The following KCNH7 variants were observed in gnomAD, a reference collection of about 807,000 sequenced individuals.
The protein encoded by KCNH7 is potassium voltage-gated channel subfamily H member 7, also known as voltage-gated inwardly rectifying potassium channel KCNH7.
KCNH7 carries 49 observed loss-of-function variants against 120.8 expected under a neutral mutation model. The observed-to-expected ratio is 0.41, with a 90% CI of 0.32 to 0.51. The LOEUF (loss-of-function observed/expected upper bound fraction) is 0.51, where lower values mean the gene tolerates loss of function less well. KCNH7 is among the 20% of genes least tolerant of loss of function. The pLI is 0.38. For synonymous variants in KCNH7, 547 were observed against 516.1 expected (o/e 1.06, Z -0.81); for missense variants, 1,097 against 1,446.6 (o/e 0.76, Z 3.92).
At chr2:162,379,537 G>T (rs1000218128) in intron 14 of KCNH7, among the ~76,000 whole-genome samples, 21 of 152,156 alleles carry the variant, frequency 1.4e-4, no homozygotes, top group Non-Finnish European at 2.5e-4. Context: ...AAGAGGAAGG[G>T]TGTCAGTTAA....
chr2:162,792,462 T>G lies in KCNH7; in HGVS notation c.307+44075A>C, dbSNP rs138376961. Among the ~76,000 whole-genome samples, 1,381 of 152,140 alleles carry G rather than the reference T, an allele frequency of 9.1e-3. 6 individuals carry two copies. Among genetic ancestry groups the G allele is most frequent in the Middle Eastern group, 0.054 (16 of 294 alleles). ...TTTAATACTGACTCAATTTCAGAGCTTATTATTGGTCTGTTCAGGGATTCG... is the reference window on the plus strand; with the variant it reads ...TTTAATACTGACTCAATTTCAGAGCGTATTATTGGTCTGTTCAGGGATTCG... On this transcript the variant is annotated intron_variant, in intron 2 of 15. Transcript: ENST00000332142.
intron 6 of KCNH7, among the ~76,000 whole-genome samples, chr2:162,458,921 G>T (rs1483113882): frequency 6.6e-6 from 1 of 151,612 alleles, no homozygotes; most frequent in African/African-American, 2.4e-5. Flanking sequence ...TGGGAGGATT[G>T]CTTGAGCCCA....
rs780795086 is a variant in KCNH7 at position 162,518,028 on chromosome 2, C to T, written c.594G>A (p.Lys198=). ...SKHSDDSVAM[K]HFKSPTKESC... is the part of the protein sequence containing the mutation. ...TTTCTTTTGTAGGAGACTTAAAATG[C>T]TTCATGGCTACTGAATCATCACTGT... The change falls in exon 4 of 16, where the codon AAG becomes AAA. Residue 198 remains lysine, a synonymous_variant. Transcript: ENST00000332142. 5.0e-6 allele frequency: 8 copies of T among 1,612,362 alleles called. No individual in the cohort carries two copies. Among genetic ancestry groups the T allele is most frequent in the Middle Eastern group, 1.6e-4 (1 of 6,074 alleles).
At chr2:162,479,095 T>C (rs1478869558) in intron 6 of KCNH7, among the ~76,000 whole-genome samples, 4 of 151,232 alleles carry the variant, frequency 2.6e-5, no homozygotes, top group Non-Finnish European at 5.9e-5. Flanking sequence ...AATGACTCAA[T>C]TATTGAAAAA....
chr2:162,391,790 T>C (rs773606331), intron 12 of KCNH7, among the ~76,000 whole-genome samples: 4 of 152,072 alleles, frequency 2.6e-5, no homozygotes, highest in Non-Finnish European at 5.9e-5. Context: ...GACATTATTA[T>C]ATTGACAACA....
At chr2:162,420,309 GAGGTTGCAGTGAGCCT>G (rs1399601581) in intron 9 of KCNH7, among the ~76,000 whole-genome samples, 8 of 152,178 alleles carry the variant, frequency 5.3e-5, no homozygotes, top group Non-Finnish European at 1.0e-4. Flanking sequence ...CCAGGAGGTG[GAGGTTGCAGTGAGCCT>G]AGATGGCACT....
chr2:162,582,678 T>C (rs1364597764), intron 2 of KCNH7, among the ~76,000 whole-genome samples: 1 of 151,930 alleles, frequency 6.6e-6, no homozygotes, highest in African/African-American at 2.4e-5. Flanking sequence ...GCAGATAAGG[T>C]CACATTATCT....
intron 2 of KCNH7, among the ~76,000 whole-genome samples, chr2:162,756,444 C>T (rs1361037196): frequency 6.6e-6 from 1 of 152,008 alleles, no homozygotes; most frequent in Non-Finnish European, 1.5e-5. Flanking sequence ...AAAATTTCAA[C>T]TCTTTTGCTT....
intron 2 of KCNH7, among the ~76,000 whole-genome samples, chr2:162,659,531 G>A (rs1051399779): frequency 2.6e-5 from 4 of 151,836 alleles, no homozygotes; most frequent in Admixed American, 1.3e-4. Context: ...TAGTAGAGAC[G>A]AGGTTTCACT....
rs746845545 is a variant in KCNH7 at position 162,567,714 on chromosome 2, T to C, written c.308-30634A>G. ...TGGCACACAGTAAGTGCTCAATAAATAATTTTCAAATAACAAGAATAATTT... is the reference window on the plus strand; with the variant it reads ...TGGCACACAGTAAGTGCTCAATAAACAATTTTCAAATAACAAGAATAATTT... On this transcript the variant is annotated intron_variant, in intron 2 of 15. Coordinates refer to ENST00000332142, the MANE Select transcript of KCNH7 (RefSeq NM_033272.4). Among the ~76,000 whole-genome samples the C allele has an allele frequency of 7.2e-4, 110 of 152,166 alleles. 1 individual carries two copies. Among genetic ancestry groups the C allele is most frequent in the Admixed American group, 3.5e-3 (53 of 15,246 alleles).
chr2:162,585,403 A>G (rs1198635685), intron 2 of KCNH7, among the ~76,000 whole-genome samples: 1 of 152,086 alleles, frequency 6.6e-6, no homozygotes, highest in Non-Finnish European at 1.5e-5. Context: ...AGAAAGCAAC[A>G]GTTGAATACT....
chr2:162,426,900 G>A (rs959799074), intron 8 of KCNH7, among the ~76,000 whole-genome samples: 3 of 151,676 alleles, frequency 2.0e-5, no homozygotes, highest in African/African-American at 4.8e-5. Flanking sequence ...GACAACCACC[G>A]AGCTCCTTTA....
intron 2 of KCNH7, among the ~76,000 whole-genome samples, chr2:162,680,068 C>T (rs1685661880): frequency 6.6e-6 from 1 of 151,714 alleles, no homozygotes; most frequent in Admixed American, 6.6e-5. Flanking sequence ...TAAGGGCTTA[C>T]AGTATTTAAC....
chr2:162,774,530 T>TA (rs1683167655), intron 2 of KCNH7, among the ~76,000 whole-genome samples: 2 of 151,894 alleles, frequency 1.3e-5, no homozygotes, highest in Non-Finnish European at 3.0e-5. Context: ...TCTTCTAACT[T>TA]AGAGCCATAA....
At chr2:162,738,629 A>G (rs915812588) in intron 2 of KCNH7, among the ~76,000 whole-genome samples, 1 of 152,154 alleles carries the variant, frequency 6.6e-6, no homozygotes, top group African/African-American at 2.4e-5. Context: ...CATTGGACAA[A>G]AGCTCAAAAA....
intron 2 of KCNH7, among the ~76,000 whole-genome samples, chr2:162,783,163 C>T (rs1313253103): frequency 6.6e-6 from 1 of 152,188 alleles, no homozygotes; most frequent in Non-Finnish European, 1.5e-5. Context: ...TACAAGCTTT[C>T]CTTGGCAGAC....
intron 2 of KCNH7, among the ~76,000 whole-genome samples, chr2:162,609,515 G>C (rs1465731404): frequency 6.6e-6 from 1 of 152,056 alleles, no homozygotes; most frequent in Non-Finnish European, 1.5e-5. Context: ...CTCATGTCCA[G>C]GAGGGCCCTC....
chr2:162,806,141 C>T (rs186338376), intron 2 of KCNH7, among the ~76,000 whole-genome samples: 6 of 152,140 alleles, frequency 3.9e-5, no homozygotes, highest in African/African-American at 1.4e-4. Flanking sequence ...ACAGTATGCA[C>T]TACTTGGGTA....
chr2:162,791,850 T>C (rs1683958223), intron 2 of KCNH7, among the ~76,000 whole-genome samples: 1 of 152,156 alleles, frequency 6.6e-6, no homozygotes. Flanking sequence ...GGCATCCTTG[T>C]CTTGTGCCAG....
Sources: allele counts gnomAD v4.1 joint callset (sites outside exome capture counted in the v4.1 genomes callset), GRCh38; gene constraint gnomAD v4.1.1; transcripts MANE v1.5; gene names NCBI Gene and HGNC (gene_info 2026-07-23, HGNC 2026-07-21).